The following GSE1 variants were observed in gnomAD, a reference collection of about 807,000 sequenced individuals.
The protein encoded by GSE1 is Gse1 coiled-coil protein.
Under a neutral mutation model 112.6 loss-of-function variants are expected in GSE1, and 32 were observed. The ratio of observed to expected loss-of-function variants is 0.28; its 90% CI spans 0.21 to 0.38. GSE1 has a LOEUF of 0.38. Ranked by LOEUF, GSE1 falls within the 10% of genes least tolerant of loss-of-function variation. GSE1 has a pLI of 1.00. For missense variants in GSE1, 2,348 were observed against 1,699.2 expected, an observed-to-expected ratio of 1.38 and a Z score of -6.71; for synonymous variants, 1,115 against 735.6, an observed-to-expected ratio of 1.52 and a Z score of -8.35.
At chr16:85,671,439 C>CAAAAAAAAAAAAAAAAAAA (rs1159665909) in intron 15 of GSE1, among the ~76,000 whole-genome samples, 4 of 61,320 alleles carry the variant, frequency 6.5e-5, no homozygotes, top group African/African-American at 2.7e-4. Flanking sequence ...GACTCCGTCT[C>CAAAAAAAAAAAAAAAAAAA]AAAAAAAAAA....
intron 2 of GSE1, among the ~76,000 whole-genome samples, chr16:85,458,558 G>C (rs1321379212): frequency 2.6e-5 from 4 of 152,226 alleles, no homozygotes; most frequent in Admixed American, 2.6e-4. Flanking sequence ...AGGCCCAGGG[G>C]CCAGGGGAAT....
intron 2 of GSE1, among the ~76,000 whole-genome samples, chr16:85,415,842 T>C (rs1490575037): frequency 6.6e-6 from 1 of 152,206 alleles, no homozygotes; most frequent in Non-Finnish European, 1.5e-5. Flanking sequence ...GTTGAGGCCA[T>C]GGCTTTGCAA....
intron 2 of GSE1, among the ~76,000 whole-genome samples, chr16:85,491,605 G>A (rs1431489567): frequency 6.6e-6 from 1 of 152,154 alleles, no homozygotes; most frequent in Non-Finnish European, 1.5e-5. Context: ...CAGCTGGAAG[G>A]AGCTTGGGCT....
At chr16:85,657,748 A>G (rs1410234510) in intron 8 of GSE1, 144 bp downstream of exon 8, 5 of 604,140 alleles carry the variant, frequency 8.3e-6, no homozygotes, top group Non-Finnish European at 1.1e-5. Flanking sequence ...TCTTCACGTT[A>G]TAATGCCTGT....
At chr16:85,241,410 A>G (rs774198283) in intron 1 of GSE1, among the ~76,000 whole-genome samples, 2 of 152,164 alleles carry the variant, frequency 1.3e-5, no homozygotes, top group African/African-American at 4.8e-5. Context: ...CCAAGTGGGC[A>G]TTGCATGGCT....
chr16:85,646,895 G>GT (rs893833826), intron 2 of GSE1, among the ~76,000 whole-genome samples: 12 of 151,798 alleles, frequency 7.9e-5, no homozygotes, highest in East Asian at 1.9e-4. Context: ...CACAACAAGG[G>GT]GGGGGGTGGG....
intron 2 of GSE1, among the ~76,000 whole-genome samples, chr16:85,455,407 GAAAGAAAAGA>G (rs552339456): frequency 2.0e-5 from 3 of 151,910 alleles, no homozygotes; most frequent in Non-Finnish European, 4.4e-5. Context: ...GAGAGAGAAA[GAAAGAAAAGA>G]AAAGAAAAGA....
At chr16:85,586,133 T>C (rs72801176) in intron 1 of GSE1, among the ~76,000 whole-genome samples, 16,040 of 152,276 alleles carry the variant, frequency 0.11, 1,122 homozygotes, top group Non-Finnish European at 0.16. Context: ...TGTCTGCATC[T>C]GTCTCTGTGT....
intron 1 of GSE1, among the ~76,000 whole-genome samples, chr16:85,564,505 GA>G (rs1037714185): frequency 2.6e-5 from 4 of 152,294 alleles, no homozygotes; most frequent in Non-Finnish European, 2.9e-5. Context: ...AGATGGGGGT[GA>G]AGGCTGTGTC....
chr16:85,220,076 G>A (rs1470680346), intron 1 of GSE1, among the ~76,000 whole-genome samples: 1 of 152,236 alleles, frequency 6.6e-6, no homozygotes, highest in Non-Finnish European at 1.5e-5. Context: ...TGATGTCAGA[G>A]CATCCTTCTG....
At chr16:85,386,303 G>GT (rs2047687543) in intron 2 of GSE1, among the ~76,000 whole-genome samples, 1 of 152,254 alleles carries the variant, frequency 6.6e-6, no homozygotes, top group Non-Finnish European at 1.5e-5. Flanking sequence ...CTGACTCTAG[G>GT]TGGGGAGTTG....
At chr16:85,420,945 C>T (rs1324636571) in intron 2 of GSE1, among the ~76,000 whole-genome samples, 1 of 152,140 alleles carries the variant, frequency 6.6e-6, no homozygotes, top group Non-Finnish European at 1.5e-5. Flanking sequence ...GCAGGGGGCG[C>T]GCTGCAGTCG....
chr16:85,660,865 T>C (rs34762884), intron 8 of GSE1, among the ~76,000 whole-genome samples: 47,298 of 151,886 alleles, frequency 0.31, 7,482 homozygotes, highest in Middle Eastern at 0.37. Context: ...CTGCTGACCT[T>C]GTGATCCACC....
rs544418434 is a variant in GSE1 at position 85,366,203 on chromosome 16, G to A, written c.2464+8560G>A. 1.1e-3 allele frequency among the ~76,000 whole-genome samples: 163 copies of A among 152,390 alleles called. 1 individual carries two copies. The highest frequency in any genetic ancestry group is 3.8e-3 in the African/African-American group (159 of 41,594). ...GCCTGTAGCGGCTCCGCTGCCGAGT[G>A]CTTTGACACCAGGCGCTCCCAGAGC... On this transcript the variant is annotated intron_variant, in intron 2 of 2. Coordinates refer to the GSE1 transcript ENST00000637419.
chr16:85,668,093 G>T (rs1204396035), intron 13 of GSE1, 47 bp from the exon 14 acceptor site: 3 of 1,456,286 alleles, frequency 2.1e-6, no homozygotes, highest in Non-Finnish European at 2.8e-6. Context: ...ACAGCACCCT[G>T]TGTCCCTTCC....
At position 85,593,340 on chromosome 16, in the gene GSE1, G is replaced by A. The variant is rs910247147; in HGVS notation, c.37+36977G>A. 6.3e-5 allele frequency: 9 copies of A among 142,496 alleles called. No homozygotes were observed. In the Admixed American group the frequency reaches 6.3e-4, roughly 10 times the overall value. The allele number at this position is 142,496 out of a possible 1,614,324, so 8.8% of individuals were successfully genotyped here. A position where few individuals can be genotyped will look rare whatever the true frequency, so the allele number is the denominator to read the frequency against. ...CCTGGCTCCATGGGGCCCAGCACAA[G>A]CTCTGGAGGCCACAGGAGTGCCTCC... On this transcript the variant is annotated intron_variant, in intron 1 of 2. Transcript: ENST00000635906.
At chr16:85,428,657 C>T (rs989213949) in intron 2 of GSE1, among the ~76,000 whole-genome samples, 2 of 152,178 alleles carry the variant, frequency 1.3e-5, no homozygotes, top group Non-Finnish European at 2.9e-5. Flanking sequence ...CTGATGGGGA[C>T]ACCTGGCTGA....
intron 1 of GSE1, among the ~76,000 whole-genome samples, chr16:85,300,726 C>A (rs1401154260): frequency 6.6e-6 from 1 of 152,260 alleles, no homozygotes; most frequent in Non-Finnish European, 1.5e-5. Context: ...CTGCACCAGG[C>A]ATTTTCACCT....
At chr16:85,303,683 C>A (rs1023280682) in intron 1 of GSE1, among the ~76,000 whole-genome samples, 2 of 152,246 alleles carry the variant, frequency 1.3e-5, no homozygotes, top group African/African-American at 2.4e-5. Flanking sequence ...CACGGCGGTG[C>A]GGGCAGGAGC....
Sources: allele counts gnomAD v4.1 joint callset (sites outside exome capture counted in the v4.1 genomes callset), GRCh38; gene constraint gnomAD v4.1.1; transcripts MANE v1.5; gene names NCBI Gene and HGNC (gene_info 2026-07-23, HGNC 2026-07-21).